Variants in KLF8 observed in about 807,000 individuals in gnomAD.
KLF8 encodes the protein Krueppel-like factor 8.
In KLF8, 10 loss-of-function variants were observed where a neutral mutation model predicts 18.2. That is an observed-to-expected ratio of 0.55 (90% CI 0.34 to 0.93). The LOEUF is 0.93. Among genes scored for constraint, KLF8 ranks in the 40% least tolerant of loss-of-function variants. KLF8 has a pLI of 0.02. For synonymous variants in KLF8, 109 were observed against 97.3 expected (o/e 1.12, Z -0.71); for missense variants, 264 against 277.9 (o/e 0.95, Z 0.36).
intron 1 of KLF8, among the ~76,000 whole-genome samples, chrX:56,247,036 C>G (rs1424624067): frequency 9.0e-6 from 1 of 111,472 alleles, no homozygotes; most frequent in Non-Finnish European, 1.9e-5. Context: ...GTTATTCATC[C>G]CTTAATGAAG....
At position 56,250,222 on chromosome X, in the gene KLF8, C is replaced by T; in HGVS notation, c.8-9C>T. 1 of 1,186,627 alleles carries T rather than the reference C, an allele frequency of 8.4e-7. No homozygotes were observed. The highest frequency in any genetic ancestry group is 1.1e-6 in the Non-Finnish European group (1 of 875,818). On this transcript the variant is annotated splice_polypyrimidine_tract_variant and intron_variant, in intron 1 of 5. Transcript: ENST00000468660. ...TCTGAAAGTTGTCTTTTCCTTTTCT[C>T]TTTTCCAGATATGGATAAACTCATA... is the stretch of plus-strand genomic sequence containing the variant.
At chrX:55,967,807 A>G in the KLF8 span, among the ~76,000 whole-genome samples, 1 of 111,764 alleles carries the variant, frequency 8.9e-6, no homozygotes, top group African/African-American at 3.2e-5. Context: ...AACTAAGACA[A>G]CTTTTCAAGA....
At chrX:56,114,009 C>G in the KLF8 span, among the ~76,000 whole-genome samples, 62 of 112,022 alleles carry the variant, frequency 5.5e-4, no homozygotes, top group Non-Finnish European at 1.1e-3. Flanking sequence ...GCCCTACCCC[C>G]AGGGGCTCTG....
At chrX:56,107,779 T>G in the KLF8 span, among the ~76,000 whole-genome samples, 1 of 111,107 alleles carries the variant, frequency 9.0e-6, no homozygotes, top group Non-Finnish European at 1.9e-5. Flanking sequence ...CAGTTGGAAA[T>G]GCAGAAATCA....
At chrX:56,159,914 T>G in the KLF8 span, among the ~76,000 whole-genome samples, 1 of 111,703 alleles carries the variant, frequency 9.0e-6, no homozygotes, top group Admixed American at 9.6e-5. Context: ...TCTTAGTTAT[T>G]TCTTGCCTTC....
the KLF8 span, among the ~76,000 whole-genome samples, chrX:56,134,191 A>C: frequency 9.0e-6 from 1 of 111,717 alleles, no homozygotes; most frequent in East Asian, 2.8e-4. Context: ...GAACCAAAAA[A>C]AAAATTTTGC....
the KLF8 span, among the ~76,000 whole-genome samples, chrX:56,199,544 C>T: frequency 8.2e-3 from 919 of 111,703 alleles, 10 homozygotes; most frequent in African/African-American, 0.028. Flanking sequence ...CCATGTCACG[C>T]CAGTTAGAAT....
At chrX:55,944,225 C>T in the KLF8 span, among the ~76,000 whole-genome samples, 5 of 107,524 alleles carry the variant, frequency 4.7e-5, no homozygotes, top group African/African-American at 6.8e-5. Context: ...CTGCTGGATT[C>T]GGTTTGCCAG....
In KLF8 at chrX:56,265,701, T is replaced by C; in HGVS notation, c.603T>C (p.Ile201=). 6.6e-6 allele frequency: 8 copies of C among 1,207,185 alleles called. No homozygotes were observed. The highest frequency in any genetic ancestry group is 1.7e-5 in the African/African-American group (1 of 57,823). ...CTGCAGATGGGGGCCCTGCAGCCAT[T>C]ACAGTCCCACTCATTGGAGGAGATG... The part of the protein sequence containing the change: ...TLPADGGPAA[I]TVPLIGGDGK... The change falls in exon 3 of 6, where the codon ATT becomes ATC. Residue 201 remains isoleucine, a synonymous_variant. Coordinates refer to ENST00000468660, the MANE Select transcript of KLF8 (RefSeq NM_007250.5).
At chrX:56,056,868 T>A in the KLF8 span, among the ~76,000 whole-genome samples, 1 of 105,209 alleles carries the variant, frequency 9.5e-6, no homozygotes, top group Admixed American at 1.0e-4. Context: ...TGCACTACAC[T>A]GAGGGGCCAA....
chrX:56,273,135 C>T (rs186909399), intron 5 of KLF8, among the ~76,000 whole-genome samples: 4 of 111,632 alleles, frequency 3.6e-5, no homozygotes, highest in Admixed American at 2.9e-4. Context: ...AATACTATCA[C>T]TTTACAACCT....
At chrX:56,130,403 A>T in the KLF8 span, among the ~76,000 whole-genome samples, 57,893 of 110,613 alleles carry the variant, frequency 0.52, 13,572 homozygotes, top group Non-Finnish European at 0.73. Context: ...AAGAGAAATA[A>T]CATTCATTAC....
At chrX:55,939,691 G>T in the KLF8 span, among the ~76,000 whole-genome samples, 1 of 111,249 alleles carries the variant, frequency 9.0e-6, no homozygotes, top group Non-Finnish European at 1.9e-5. Flanking sequence ...TGATAAAGGG[G>T]ATATCACCAC....
At chrX:56,158,820 T>A in the KLF8 span, among the ~76,000 whole-genome samples, 1 of 112,004 alleles carries the variant, frequency 8.9e-6, no homozygotes, top group Non-Finnish European at 1.9e-5. Context: ...TATACAATCA[T>A]GTCAACTGCA....
the KLF8 span, among the ~76,000 whole-genome samples, chrX:56,040,883 G>A: frequency 4.3e-5 from 1 of 22,994 alleles, no homozygotes; most frequent in Non-Finnish European, 7.8e-5. Flanking sequence ...GTCTGGTCTT[G>A]GGCTTTTTTT....
intron 4 of KLF8, 32 bp downstream of exon 4, chrX:56,269,521 GTGTA>G (rs762550618): frequency 7.3e-6 from 8 of 1,089,476 alleles, no homozygotes; most frequent in Non-Finnish European, 8.4e-6. Context: ...GTCTGTCTTT[GTGTA>G]TGTGTGTGTG....
rs1203459880 is a variant in KLF8, at chrX:56,287,644, A to C, written c.*3150A>C. 2 of 112,015 alleles carry C rather than the reference A, an allele frequency of 1.8e-5. No individual in the cohort carries two copies. Among genetic ancestry groups the C allele is most frequent in the Non-Finnish European group, 3.8e-5 (2 of 53,253 alleles). 9.2% of individuals were successfully genotyped at this position (112,015 alleles called of 1,213,427 possible). ...TTTAGGAAAAACTATGAGTGTGAAG[A>C]GTATGAACTGATTGGGTAGATTAGG... On this transcript the variant is annotated 3_prime_UTR_variant, in exon 6 of 6. Coordinates refer to ENST00000468660, the MANE Select transcript of KLF8 (RefSeq NM_007250.5).
the KLF8 span, among the ~76,000 whole-genome samples, chrX:56,162,017 G>T: frequency 2.7e-5 from 3 of 112,026 alleles, no homozygotes; most frequent in East Asian, 5.6e-4. Context: ...AGGTCTGTTG[G>T]AGTTTGCTTT....
the KLF8 span, among the ~76,000 whole-genome samples, chrX:56,164,103 T>C: frequency 7.3e-5 from 8 of 110,137 alleles, no homozygotes; most frequent in African/African-American, 2.6e-4. Flanking sequence ...ATGAATTTTA[T>C]TTTTTATTTT....
Sources: allele counts gnomAD v4.1 joint callset (sites outside exome capture counted in the v4.1 genomes callset), GRCh38; gene constraint gnomAD v4.1.1; transcripts MANE v1.5; gene names NCBI Gene and HGNC (gene_info 2026-07-23, HGNC 2026-07-21).